The following CSMD1 variants were observed in gnomAD, a reference collection of about 807,000 sequenced individuals.
CSMD1 encodes CUB and sushi domain-containing protein 1.
Under a neutral mutation model 417.5 loss-of-function variants are expected in CSMD1, and 213 were observed. That is an observed-to-expected ratio of 0.51 (90% CI 0.46 to 0.57). CSMD1 has a LOEUF of 0.57. Among genes scored for constraint, CSMD1 ranks in the 20% least tolerant of loss-of-function variants. The pLI is 0.00. For missense variants in CSMD1, 6,923 were observed against 4,529.7 expected (o/e 1.53, Z -15.17); for synonymous variants, 2,862 against 1,736.8 (o/e 1.65, Z -16.11).
In CSMD1 at chr8:4,854,113, G is replaced by C. The variant is rs939061085; in HGVS notation, c.85+140219C>G. 7.2e-5 allele frequency among the ~76,000 whole-genome samples: 11 copies of C among 152,256 alleles called. No homozygotes were observed. The South Asian group carries it at 1.9e-3, about 26-fold the overall frequency. ...ATTGGACATGAGACATAGAACTTTT[G>C]AGTTAATGCAGAAGTGAGTTAAGAT... is the stretch of plus-strand genomic sequence containing the variant. On this transcript the variant is annotated intron_variant, in intron 1 of 69. Coordinates refer to ENST00000635120, the MANE Select transcript of CSMD1 (RefSeq NM_033225.6).
chr8:3,040,367 A>G (rs1033261334), intron 50 of CSMD1, among the ~76,000 whole-genome samples: 3 of 141,714 alleles, frequency 2.1e-5, no homozygotes. Flanking sequence ...ATCAAGGTGT[A>G]GATAGCATAT....
chr8:4,162,606 TC>T (rs1160094990), intron 3 of CSMD1, among the ~76,000 whole-genome samples: 2 of 152,296 alleles, frequency 1.3e-5, no homozygotes, highest in East Asian at 3.9e-4. Context: ...GAGCAGTTTT[TC>T]TAGGTTCACA....
rs112824907 is a variant in CSMD1 at position 4,286,791 on chromosome 8, A to G, written c.415+133162T>C. On this transcript the variant is annotated intron_variant, in intron 3 of 69. Coordinates refer to ENST00000635120, the MANE Select transcript of CSMD1 (RefSeq NM_033225.6). ...TTTCCCATCGCCTGTTTGGCTGAGA[A>G]TGTTTCCTAGAAAACCAAAAGTTGA... Among the ~76,000 whole-genome samples, 395 of 152,282 alleles carry G rather than the reference A, an allele frequency of 2.6e-3. 2 individuals are homozygous for G. The highest frequency in any genetic ancestry group is 8.9e-3 in the African/African-American group (371 of 41,564).
intron 1 of CSMD1, among the ~76,000 whole-genome samples, chr8:4,862,623 G>C (rs1802203876): frequency 6.6e-6 from 1 of 151,984 alleles, no homozygotes; most frequent in Non-Finnish European, 1.5e-5. Context: ...CGGTTTTAGA[G>C]AAAAACAGAA....
chr8:4,069,207 T>G (rs1335691245), intron 3 of CSMD1, among the ~76,000 whole-genome samples: 1 of 152,168 alleles, frequency 6.6e-6, no homozygotes, highest in Non-Finnish European at 1.5e-5. Flanking sequence ...GATTGAGGCG[T>G]GAATGTAAAA....
intron 1 of CSMD1, among the ~76,000 whole-genome samples, chr8:4,646,386 G>T (rs77779015): frequency 6.6e-6 from 1 of 152,100 alleles, no homozygotes. Flanking sequence ...GCTTTAATAC[G>T]GGTGAAGCCA....
intron 5 of CSMD1, among the ~76,000 whole-genome samples, chr8:3,989,671 C>T (rs747069778): frequency 3.3e-5 from 5 of 151,980 alleles, no homozygotes; most frequent in Non-Finnish European, 5.9e-5. Context: ...TATTAAGAAA[C>T]GATACTGTGA....
intron 1 of CSMD1, among the ~76,000 whole-genome samples, chr8:4,909,491 G>C (rs1316468842): frequency 6.6e-6 from 1 of 152,112 alleles, no homozygotes; most frequent in Non-Finnish European, 1.5e-5. Context: ...TTCTAGCAGA[G>C]ATTTTTCCCT....
chr8:4,862,670 G>A (rs942557758), intron 1 of CSMD1, among the ~76,000 whole-genome samples: 2 of 152,052 alleles, frequency 1.3e-5, no homozygotes, highest in African/African-American at 4.8e-5. Flanking sequence ...ATTAACACCT[G>A]CAAGTGCCAT....
chr8:3,119,668 G>A (rs1177193742), intron 41 of CSMD1, among the ~76,000 whole-genome samples: 4 of 152,146 alleles, frequency 2.6e-5, no homozygotes, highest in Non-Finnish European at 5.9e-5. Flanking sequence ...GGAAGAGGGC[G>A]TGAGTACTCA....
intron 1 of CSMD1, among the ~76,000 whole-genome samples, chr8:4,889,323 A>G (rs1215835462): frequency 6.6e-6 from 1 of 152,134 alleles, no homozygotes; most frequent in African/African-American, 2.4e-5. Flanking sequence ...ATTGAGGAGA[A>G]TTTTATGAAT....
intron 23 of CSMD1, among the ~76,000 whole-genome samples, chr8:3,333,433 T>A (rs1807035980): frequency 6.6e-6 from 1 of 152,206 alleles, no homozygotes; most frequent in Non-Finnish European, 1.5e-5. Context: ...AAACAAACAC[T>A]GCTTATTGGA....
intron 4 of CSMD1, among the ~76,000 whole-genome samples, chr8:4,017,867 G>C (rs986284469): frequency 8.5e-5 from 13 of 152,136 alleles, no homozygotes; most frequent in African/African-American, 2.9e-4. Context: ...ATCCATCATG[G>C]TTTTCAACTG....
chr8:3,294,282 G>A (rs945112203), intron 25 of CSMD1, among the ~76,000 whole-genome samples: 4 of 152,182 alleles, frequency 2.6e-5, no homozygotes, highest in South Asian at 4.1e-4. Flanking sequence ...GGACCCCCTT[G>A]AGGAGGCAGT....
chr8:4,639,016 G>T (rs1043550866), intron 1 of CSMD1, among the ~76,000 whole-genome samples: 14 of 152,136 alleles, frequency 9.2e-5, no homozygotes, highest in Non-Finnish European at 7.4e-5. Context: ...GAACAGCTCT[G>T]GGAGATTAGT....
chr8:3,833,937 G>T lies in CSMD1; in HGVS notation c.819-79895C>A, dbSNP rs540276785. Among the ~76,000 whole-genome samples, 2 of 152,056 alleles carry T rather than the reference G, an allele frequency of 1.3e-5. 1 individual carries two copies. The highest frequency in any genetic ancestry group is 2.9e-5 in the Non-Finnish European group (2 of 67,990). ...ATATCAAATTTATGTATTATTGGTT[G>T]GTTGTTGCTGTTGTTATTCTTTCAA... On this transcript the variant is annotated intron_variant, in intron 5 of 69. Coordinates refer to ENST00000635120, the MANE Select transcript of CSMD1 (RefSeq NM_033225.6).
Position 3,816,129 on chromosome 8 carries a change from G to A in CSMD1, c.819-62087C>T, listed in dbSNP as rs2720735. Among the ~76,000 whole-genome samples, 291 of 152,134 alleles carry A rather than the reference G, an allele frequency of 1.9e-3. 1 individual carries two copies. Among genetic ancestry groups the A allele is most frequent in the African/African-American group, 6.8e-3 (283 of 41,502 alleles). ...TCTCTATCTCATTAACACAACAATCGCAGGCTCAGTCTCAAAGAAAACAAG... is the reference window on the plus strand; with the variant it reads ...TCTCTATCTCATTAACACAACAATCACAGGCTCAGTCTCAAAGAAAACAAG... On this transcript the variant is annotated intron_variant, in intron 5 of 69. Transcript: ENST00000635120.
intron 1 of CSMD1, among the ~76,000 whole-genome samples, chr8:4,688,579 G>A (rs1200535066): frequency 6.6e-6 from 1 of 152,178 alleles, no homozygotes; most frequent in African/African-American, 2.4e-5. Flanking sequence ...GCAGCAGTCA[G>A]AGAGTGAACA....
chr8:3,474,151 G>C (rs987483895), intron 11 of CSMD1, among the ~76,000 whole-genome samples: 1 of 152,260 alleles, frequency 6.6e-6, no homozygotes, highest in South Asian at 2.1e-4. Flanking sequence ...TGTCTGCCTG[G>C]ACTTGCTCCC....
Sources: allele counts gnomAD v4.1 joint callset (sites outside exome capture counted in the v4.1 genomes callset), GRCh38; gene constraint gnomAD v4.1.1; transcripts MANE v1.5; gene names NCBI Gene and HGNC (gene_info 2026-07-23, HGNC 2026-07-21).